Variants in TAGLN2 observed in about 807,000 individuals in gnomAD.
TAGLN2 encodes the protein transgelin-2.
In TAGLN2, 14 loss-of-function variants were observed where a neutral mutation model predicts 24.9. The ratio of observed to expected loss-of-function variants is 0.56; its 90% CI spans 0.37 to 0.88. The LOEUF (loss-of-function observed/expected upper bound fraction) is 0.88. TAGLN2 is among the 40% of genes least tolerant of loss of function. TAGLN2 has a pLI of 0.00. For missense variants in TAGLN2, 208 were observed against 258.9 expected, an observed-to-expected ratio of 0.80 and a Z score of 1.35; for synonymous variants, 77 against 98.2, an observed-to-expected ratio of 0.78 and a Z score of 1.28.
rs998720377 is a variant in TAGLN2 at position 159,925,507 on chromosome 1, T to C, written c.-86A>G. The C allele has an allele frequency of 1.3e-5, 2 of 151,850 alleles. No individual in the cohort carries two copies. The highest frequency in any genetic ancestry group is 2.4e-5 in the African/African-American group (1 of 41,300). The allele number at this position is 151,850 out of a possible 1,614,324, so 9.4% of individuals were successfully genotyped here. A position where few individuals can be genotyped will look rare whatever the true frequency, so the allele number is the denominator to read the frequency against. ...TCAAGGCAAGGGCTGCAGCTGCAAGTGGTGCGCCCTGCCCAGCCGGGGATT... is the reference window on the plus strand; with the variant it reads ...TCAAGGCAAGGGCTGCAGCTGCAAGCGGTGCGCCCTGCCCAGCCGGGGATT... On this transcript the variant is annotated 5_prime_UTR_variant, in exon 1 of 5. Transcript: ENST00000368097.
chr1:159,920,385 A>C lies in TAGLN2; in HGVS notation c.125T>G (p.Val42Gly). The change falls in exon 2 of 5, where the codon GTG (valine) becomes GGG (glycine). Residue 42 changes from valine to glycine, a missense_variant. Coordinates refer to ENST00000368097, the MANE Select transcript of TAGLN2 (RefSeq NM_003564.3). ...QWITTQCRKD[V>G]GRPQPGRENF... is the part of the protein sequence containing the mutation. ...CTCGCGTCCAGGCTGGGGCCGGCCC[A>C]CATCCTTTCGGCACTGGGTGGTGAT... is the stretch of plus-strand genomic sequence containing the variant. 1 of 1,614,164 alleles carries C rather than the reference A, an allele frequency of 6.2e-7. No homozygotes were observed.
intron 1 of TAGLN2, among the ~76,000 whole-genome samples, chr1:159,922,204 C>T (rs1004949800): frequency 3.3e-5 from 5 of 152,184 alleles, no homozygotes; most frequent in East Asian, 1.9e-4. Flanking sequence ...CAACACCTCT[C>T]GGCCGCAGAG....
chr1:159,923,686 G>C, intron 1 of TAGLN2: 2 of 474,716 alleles, frequency 4.2e-6, no homozygotes, highest in Non-Finnish European at 7.5e-6. Flanking sequence ...CCACAATTAA[G>C]GGAACCACCG....
chr1:159,920,601 G>T, intron 1 of TAGLN2, 64 bp from the exon 2 acceptor site: 1 of 1,546,544 alleles, frequency 6.5e-7, no homozygotes, highest in Non-Finnish European at 8.7e-7. Flanking sequence ...GGGGAATTCA[G>T]GAATTCTGCC....
rs1199799565 is a variant in TAGLN2, at chr1:159,919,791, G to A, written c.225C>T (p.Ala75=). The change falls in exon 3 of 5, where the codon GCC becomes GCT. Residue 75 remains alanine, a synonymous_variant. Transcript: ENST00000368097. ...LINALYPEGQ[A]PVKKIQASTM... is the part of the protein sequence containing the mutation. Reference sequence around the variant, plus strand: ...TGGAGGCCTGGATCTTCTTTACTGGGGCCTGCCCCTCGGGGTACAGTGCAT... The same window carrying A: ...TGGAGGCCTGGATCTTCTTTACTGGAGCCTGCCCCTCGGGGTACAGTGCAT... 1 of 1,613,942 alleles carries A rather than the reference G, an allele frequency of 6.2e-7. No homozygotes were observed. Among genetic ancestry groups the A allele is most frequent in the South Asian group, 1.1e-5 (1 of 91,078 alleles).
At chr1:159,923,323 A>T in intron 1 of TAGLN2, 1 of 1,207,050 alleles carries the variant, frequency 8.3e-7, no homozygotes, top group Non-Finnish European at 1.2e-6. Flanking sequence ...CCCTAGCGCT[A>T]CTGCAGCTGT....
intron 1 of TAGLN2, among the ~76,000 whole-genome samples, chr1:159,922,502 C>A (rs1419123490): frequency 1.3e-5 from 2 of 152,110 alleles, no homozygotes; most frequent in Admixed American, 6.5e-5. Context: ...AGCATCCCTG[C>A]CCTTCCCAGA....
Position 159,918,863 on chromosome 1 carries a change from G to A in TAGLN2, c.537C>T (p.Gly179=), listed in dbSNP as rs766474123. 1 of 1,614,278 alleles carries A rather than the reference G, an allele frequency of 6.2e-7. No individual in the cohort carries two copies. Among genetic ancestry groups the A allele is most frequent in the South Asian group, 1.1e-5 (1 of 91,092 alleles). ...EGKNVIGLQM[G]TNRGASQAGM... ...CTGCCTGAGACGCCCCGCGGTTGGT[G>A]CCCATCTGTAACCCGATCACGTTCT... Residue 179 remains glycine (G), a synonymous_variant, in exon 5 of 5, where the codon GGC becomes GGT. Transcript: ENST00000368097.
chr1:159,919,095 T>C, intron 4 of TAGLN2, 154 bp from the exon 5 acceptor site: 1 of 1,326,340 alleles, frequency 7.5e-7, no homozygotes, highest in Non-Finnish European at 1.1e-6. Context: ...TCCTCATCTG[T>C]CCAAAGGGAC....
In TAGLN2 at chr1:159,918,790, TG is replaced by T; in HGVS notation, c.*9del. 6.2e-7 allele frequency: 1 copy of T among 1,613,638 alleles called. No homozygotes were observed. The highest frequency in any genetic ancestry group is 8.5e-7 in the Non-Finnish European group (1 of 1,179,718). On this transcript the variant is annotated 3_prime_UTR_variant, in exon 5 of 5. Coordinates refer to ENST00000368097, the MANE Select transcript of TAGLN2 (RefSeq NM_003564.3). ...TTCGTGGGAGGGCAGGGGCAAGGCC[TG>T]GGGTGGGATCAGAGGATCTGGCGTG...
At chr1:159,923,680 A>G in intron 1 of TAGLN2, 1 of 471,878 alleles carries the variant, frequency 2.1e-6, no homozygotes, top group Non-Finnish European at 3.8e-6. Flanking sequence ...GGCGGCCCAC[A>G]ATTAAGGGAA....
At chr1:159,920,918 C>T (rs1024468369) in intron 1 of TAGLN2, among the ~76,000 whole-genome samples, 3 of 152,112 alleles carry the variant, frequency 2.0e-5, no homozygotes, top group African/African-American at 7.2e-5. Flanking sequence ...ACAGTGCCAT[C>T]AGGGAGACAA....
intron 2 of TAGLN2, 136 bp from the exon 3 acceptor site, chr1:159,919,971 T>A: frequency 1.0e-6 from 1 of 992,164 alleles, no homozygotes; most frequent in South Asian, 1.5e-5. Context: ...ACTCTTTCAC[T>A]AGAGTAAGCC....
chr1:159,920,627 C>A, intron 1 of TAGLN2, 90 bp from the exon 2 acceptor site: 1 of 1,500,416 alleles, frequency 6.7e-7, no homozygotes, highest in Non-Finnish European at 8.9e-7. Context: ...GGATATACAC[C>A]ATTTCCCCCA....
intron 1 of TAGLN2, among the ~76,000 whole-genome samples, chr1:159,922,812 C>T (rs1255539012): frequency 2.0e-5 from 3 of 152,204 alleles, no homozygotes; most frequent in Non-Finnish European, 4.4e-5. Context: ...CCCCCCAACC[C>T]CCCAAGGCAG....
At chr1:159,922,571 G>A (rs968815171) in intron 1 of TAGLN2, among the ~76,000 whole-genome samples, 2 of 152,170 alleles carry the variant, frequency 1.3e-5, no homozygotes, top group African/African-American at 4.8e-5. Context: ...CTGGAAGACA[G>A]GTAGGAAGAG....
chr1:159,923,309 TA>T, intron 1 of TAGLN2: 1 of 1,160,494 alleles, frequency 8.6e-7, no homozygotes, highest in Non-Finnish European at 1.2e-6. Flanking sequence ...GGGAGCAACC[TA>T]AACCCTAGCG....
At chr1:159,921,959 C>A (rs1650545220) in intron 1 of TAGLN2, among the ~76,000 whole-genome samples, 1 of 152,248 alleles carries the variant, frequency 6.6e-6, no homozygotes, top group African/African-American at 2.4e-5. Flanking sequence ...CAAAACAGAG[C>A]TAGCTGTCAG....
chr1:159,923,331 T>C, intron 1 of TAGLN2: 1 of 1,322,280 alleles, frequency 7.6e-7, no homozygotes, highest in East Asian at 2.6e-5. Context: ...CTACTGCAGC[T>C]GTGAGAACAA....
Sources: allele counts gnomAD v4.1 joint callset (sites outside exome capture counted in the v4.1 genomes callset), GRCh38; gene constraint gnomAD v4.1.1; transcripts MANE v1.5; gene names NCBI Gene and HGNC (gene_info 2026-07-23, HGNC 2026-07-21).